The following GLCE variants were observed in gnomAD, a reference collection of about 807,000 sequenced individuals.
The protein encoded by GLCE is glucuronic acid epimerase.
Under a neutral mutation model 47.9 loss-of-function variants are expected in GLCE, and 19 were observed. The ratio of observed to expected loss-of-function variants is 0.40; its 90% CI spans 0.28 to 0.58. GLCE has a LOEUF of 0.58. Among genes scored for constraint, GLCE ranks in the 20% least tolerant of loss-of-function variants. The probability of loss-of-function intolerance (pLI) is 0.48; values close to 1 mark genes in which losing one functional copy is unlikely to be tolerated. For missense variants in GLCE, 556 were observed against 743.3 expected (o/e 0.75, Z 2.93); for synonymous variants, 245 against 263.4 (o/e 0.93, Z 0.68).
At chr15:69,235,553 TATG>T (rs1232253833) in intron 2 of GLCE, among the ~76,000 whole-genome samples, 2 of 152,302 alleles carry the variant, frequency 1.3e-5, no homozygotes, top group African/African-American at 4.8e-5. Flanking sequence ...AAGCAGAAAG[TATG>T]ATATCAGCTT....
At chr15:69,213,506 G>C (rs2052261943) in intron 2 of GLCE, among the ~76,000 whole-genome samples, 1 of 152,128 alleles carries the variant, frequency 6.6e-6, no homozygotes, top group South Asian at 2.1e-4. Context: ...ATACCACGGA[G>C]GTGATGTGCC....
At chr15:69,200,496 TA>T (rs1406778283) in intron 1 of GLCE, among the ~76,000 whole-genome samples, 1 of 152,194 alleles carries the variant, frequency 6.6e-6, no homozygotes, top group African/African-American at 2.4e-5. Flanking sequence ...TAGAAAATAC[TA>T]ATTCATGATT....
chr15:69,171,257 C>G (rs971541307), intron 1 of GLCE, among the ~76,000 whole-genome samples: 1 of 151,968 alleles, frequency 6.6e-6, no homozygotes, highest in South Asian at 2.1e-4. Context: ...AGTAATTTGT[C>G]TCATATATAA....
chr15:69,253,244 A>G (rs1466280103), intron 2 of GLCE, among the ~76,000 whole-genome samples: 1 of 152,260 alleles, frequency 6.6e-6, no homozygotes, highest in African/African-American at 2.4e-5. Context: ...GAAGGCTTCT[A>G]AAGTGTGTGC....
intron 2 of GLCE, among the ~76,000 whole-genome samples, chr15:69,245,012 G>A (rs1426586815): frequency 6.6e-6 from 1 of 152,152 alleles, no homozygotes; most frequent in African/African-American, 2.4e-5. Context: ...AGTCTGTTAA[G>A]TGTAGAATAG....
chr15:69,228,877 A>G (rs929696664), intron 2 of GLCE, among the ~76,000 whole-genome samples: 1 of 152,122 alleles, frequency 6.6e-6, no homozygotes, highest in South Asian at 2.1e-4. Flanking sequence ...TTGTAGAGAC[A>G]GAGTTTTGCC....
At chr15:69,260,538 G>T (rs1436141309) in intron 3 of GLCE, among the ~76,000 whole-genome samples, 2 of 152,118 alleles carry the variant, frequency 1.3e-5, no homozygotes, top group African/African-American at 2.4e-5. Flanking sequence ...AGGATTACAG[G>T]CATGAGCCAC....
intron 1 of GLCE, among the ~76,000 whole-genome samples, chr15:69,186,051 G>A (rs1435010684): frequency 6.6e-6 from 1 of 152,116 alleles, no homozygotes; most frequent in Non-Finnish European, 1.5e-5. Context: ...CGATGCATAG[G>A]GTGAAGTATG....
Position 69,223,432 on chromosome 15 carries a change from G to A in GLCE, c.-14+13026G>A, listed in dbSNP as rs140553548. ...CTCTGGCCTCCAAAGTTTCTGATGC[G>A]AAACATGATGATAACCTTCTTGAGA... On this transcript the variant is annotated intron_variant, in intron 2 of 4. Coordinates refer to ENST00000261858, the MANE Select transcript of GLCE (RefSeq NM_015554.3). 1.8e-3 allele frequency among the ~76,000 whole-genome samples: 277 copies of A among 152,194 alleles called. 1 individual carries two copies. Among genetic ancestry groups the A allele is most frequent in the African/African-American group, 6.4e-3 (265 of 41,526 alleles).
At position 69,218,265 on chromosome 15, in the gene GLCE, T is replaced by G. The variant is rs188721934; in HGVS notation, c.-14+7859T>G. Among the ~76,000 whole-genome samples the G allele has an allele frequency of 8.3e-3, 1,269 of 151,998 alleles. 10 individuals carry two copies. Among genetic ancestry groups the G allele is most frequent in the Middle Eastern group, 0.028 (8 of 290 alleles). On this transcript the variant is annotated intron_variant, in intron 2 of 4. Coordinates refer to ENST00000261858, the MANE Select transcript of GLCE (RefSeq NM_015554.3). ...TGGCTCATTCCTGTAATCCCAGCAT[T>G]TTGGGAAGCTAAGGCCGGTGGATTC...
chr15:69,201,436 A>G (rs1453387398), intron 1 of GLCE, among the ~76,000 whole-genome samples: 1 of 151,988 alleles, frequency 6.6e-6, no homozygotes, highest in African/African-American at 2.4e-5. Flanking sequence ...ATTGTGGTAA[A>G]CAAGACAGAC....
chr15:69,215,033 G>T (rs979626247), intron 2 of GLCE, among the ~76,000 whole-genome samples: 3 of 152,036 alleles, frequency 2.0e-5, no homozygotes, highest in Non-Finnish European at 4.4e-5. Context: ...GATTCATTTT[G>T]TCACAGTTCA....
At chr15:69,251,033 A>G (rs762725609) in intron 2 of GLCE, among the ~76,000 whole-genome samples, 3 of 152,148 alleles carry the variant, frequency 2.0e-5, no homozygotes, top group Non-Finnish European at 4.4e-5. Flanking sequence ...AGTCTCTTAA[A>G]AAAACACACA....
At chr15:69,180,143 C>T (rs564240711) in intron 1 of GLCE, among the ~76,000 whole-genome samples, 1 of 152,218 alleles carries the variant, frequency 6.6e-6, no homozygotes, top group East Asian at 1.9e-4. Context: ...CATTAAACAC[C>T]ACTAACTAAC....
At chr15:69,196,844 A>G (rs1337199363) in intron 1 of GLCE, 5 of 170,440 alleles carry the variant, frequency 2.9e-5, no homozygotes, top group South Asian at 1.4e-4. Flanking sequence ...TGTAACAACA[A>G]TGAACCATTT....
At chr15:69,212,567 C>A (rs1008673014) in intron 2 of GLCE, among the ~76,000 whole-genome samples, 4 of 151,912 alleles carry the variant, frequency 2.6e-5, no homozygotes, top group African/African-American at 9.7e-5. Flanking sequence ...TACTGCTTAT[C>A]TTTTAAAGTA....
intron 1 of GLCE, among the ~76,000 whole-genome samples, chr15:69,204,503 T>C (rs892881085): frequency 6.6e-5 from 10 of 152,206 alleles, no homozygotes; most frequent in Admixed American, 2.0e-4. Context: ...CAGGCTGATC[T>C]CAAACTCCTG....
At chr15:69,166,931 A>G (rs997064936) in intron 1 of GLCE, among the ~76,000 whole-genome samples, 29 of 146,642 alleles carry the variant, frequency 2.0e-4, no homozygotes, top group Non-Finnish European at 4.0e-4. Context: ...AAAAAAAAAA[A>G]AAGGCCGGGT....
rs574562214 is a variant in GLCE at position 69,270,623 on chromosome 15, C to T, written c.*1379C>T. 1 of 152,284 alleles carries T rather than the reference C, an allele frequency of 6.6e-6. No homozygotes were observed. Among genetic ancestry groups the T allele is most frequent in the African/African-American group, 2.4e-5 (1 of 41,554 alleles). The allele number at this position is 152,284 out of a possible 1,614,324, so 9.4% of individuals were successfully genotyped here. A position where few individuals can be genotyped will look rare whatever the true frequency, so the allele number is the denominator to read the frequency against. ...ACAAACACAATACATTTATCTGTGA[C>T]CTATATCAAGTACACATTTAGGAGC... On this transcript the variant is annotated 3_prime_UTR_variant, in exon 5 of 5. Transcript: ENST00000261858.
Sources: gnomAD v4.1 joint callset for allele counts (sites outside exome capture counted in the v4.1 genomes callset) on GRCh38, gnomAD v4.1.1 for gene constraint, MANE v1.5 for transcripts, NCBI Gene and HGNC (gene_info 2026-07-23, HGNC 2026-07-21) for gene names.